METTL25: variants seen among roughly 807,000 people sequenced by gnomAD.
The protein encoded by METTL25 is methyltransferase like 25.
METTL25 carries 64 observed loss-of-function variants against 71.6 expected under a neutral mutation model. That is an observed-to-expected ratio of 0.89 (90% CI 0.73 to 1.10). The LOEUF (loss-of-function observed/expected upper bound fraction) is 1.10. Ranked by LOEUF, METTL25 falls within the 50% of genes least tolerant of loss-of-function variation. The pLI, the probability that METTL25 is intolerant of heterozygous loss-of-function variation, is 0.00. For synonymous variants in METTL25, 287 were observed against 250.3 expected (o/e 1.15, Z -1.38); for missense variants, 807 against 707.0 (o/e 1.14, Z -1.60).
At chr12:82,473,394 G>A (rs1309799576) in intron 9 of METTL25, among the ~76,000 whole-genome samples, 1 of 152,142 alleles carries the variant, frequency 6.6e-6, no homozygotes, top group Non-Finnish European at 1.5e-5. Context: ...TGTCGGCCAG[G>A]CCTCTCCAGG....
chr12:82,381,612 T>C (rs898567836), intron 1 of METTL25, among the ~76,000 whole-genome samples: 15 of 152,222 alleles, frequency 9.9e-5, no homozygotes, highest in Admixed American at 5.2e-4. Flanking sequence ...TGGTACAGTA[T>C]AGGATTATGA....
chr12:82,381,062 G>A (rs986453621), intron 1 of METTL25, among the ~76,000 whole-genome samples: 7 of 152,150 alleles, frequency 4.6e-5, no homozygotes, highest in African/African-American at 1.7e-4. Context: ...TTTGTTGTCT[G>A]CATACACTAT....
intron 1 of METTL25, among the ~76,000 whole-genome samples, chr12:82,386,429 TCCTCCCTC>T (rs201749073): frequency 2.1e-5 from 3 of 143,518 alleles, no homozygotes; most frequent in South Asian, 2.3e-4. Flanking sequence ...CTTCCTTCCT[TCCTCCCTC>T]CCTCCCTCCC....
chr12:82,476,385 A>C, intron 9 of METTL25: 1 of 334,004 alleles, frequency 3.0e-6, no homozygotes, highest in Non-Finnish European at 5.4e-6. Flanking sequence ...TTTCCTTCTT[A>C]GTTGTTGAAA....
Position 82,430,912 on chromosome 12 carries a change from G to A in METTL25, c.1299G>A (p.Trp433Ter). The change falls in exon 6 of 12, where the codon TGG (tryptophan) becomes TGA (stop). Residue 433 changes from tryptophan to a stop codon, truncating the protein, a stop_gained. Coordinates refer to ENST00000248306, the MANE Select transcript of METTL25 (RefSeq NM_032230.3). LOFTEE classifies it high-confidence loss of function. The stretch of plus-strand genomic sequence containing the variant: ...CTGCAGAACGTACTCAGGAAAAGTG[G>A]GGATTTCCAATGTGCCACTATTTAA... ...NQHKERTQEK[W>*]GFPMCHYLKE... The A allele has an allele frequency of 6.3e-7, 1 of 1,593,010 alleles. No homozygotes were observed. Among genetic ancestry groups the A allele is most frequent in the Middle Eastern group, 1.7e-4 (1 of 5,980 alleles).
intron 5 of METTL25, among the ~76,000 whole-genome samples, chr12:82,422,247 G>A (rs972934785): frequency 4.6e-5 from 7 of 152,000 alleles, no homozygotes; most frequent in Admixed American, 3.9e-4. Context: ...TTCAACATAC[G>A]CAAATCAATA....
At chr12:82,399,481 C>T in intron 4 of METTL25, 87 bp downstream of exon 4, 1 of 1,027,508 alleles carries the variant, frequency 9.7e-7, no homozygotes, top group Non-Finnish European at 1.4e-6. Flanking sequence ...ACATATCTTA[C>T]TTGATCACAT....
intron 6 of METTL25, among the ~76,000 whole-genome samples, chr12:82,431,213 A>C (rs1341546389): frequency 6.6e-6 from 1 of 151,372 alleles, no homozygotes; most frequent in East Asian, 1.9e-4. Context: ...AATAAAATAT[A>C]ATGTAAAGTG....
chr12:82,464,403 T>C (rs1814211636), intron 9 of METTL25, among the ~76,000 whole-genome samples: 1 of 151,978 alleles, frequency 6.6e-6, no homozygotes, highest in Admixed American at 6.6e-5. Flanking sequence ...GACATCTTTA[T>C]CAAAAATTAG....
At chr12:82,425,781 A>G (rs748865870) in intron 5 of METTL25, among the ~76,000 whole-genome samples, 1 of 152,106 alleles carries the variant, frequency 6.6e-6, no homozygotes, top group Non-Finnish European at 1.5e-5. Flanking sequence ...GGATGTATGT[A>G]TAAGAATTTA....
At chr12:82,436,914 A>T (rs1889961273) in intron 7 of METTL25, among the ~76,000 whole-genome samples, 1 of 151,666 alleles carries the variant, frequency 6.6e-6, no homozygotes, top group African/African-American at 2.4e-5. Flanking sequence ...ATGCAATAGT[A>T]GACTTGCGAA....
intron 1 of METTL25, among the ~76,000 whole-genome samples, chr12:82,376,819 ATAT>A (rs1383571614): frequency 6.6e-6 from 1 of 151,962 alleles, no homozygotes; most frequent in East Asian, 1.9e-4. Context: ...GCAAACTTTA[ATAT>A]TATAATTTAT....
intron 3 of METTL25, among the ~76,000 whole-genome samples, chr12:82,396,413 G>A (rs1469087034): frequency 6.6e-6 from 1 of 151,980 alleles, no homozygotes; most frequent in Non-Finnish European, 1.5e-5. Flanking sequence ...GAAACGTTTT[G>A]AGGATTTAAT....
At chr12:82,364,292 A>G (rs141391032) in intron 1 of METTL25, among the ~76,000 whole-genome samples, 160 of 152,344 alleles carry the variant, frequency 1.1e-3, no homozygotes, top group African/African-American at 3.0e-3. Flanking sequence ...TTTCATTCGC[A>G]TAGGTGGCCA....
At chr12:82,465,950 T>C (rs538873145) in intron 9 of METTL25, among the ~76,000 whole-genome samples, 1 of 151,156 alleles carries the variant, frequency 6.6e-6, no homozygotes, top group South Asian at 2.1e-4. Context: ...GTGATGTCTA[T>C]ATTTTTGTTT....
At chr12:82,437,907 T>C (rs1175754403) in intron 7 of METTL25, among the ~76,000 whole-genome samples, 1 of 151,772 alleles carries the variant, frequency 6.6e-6, no homozygotes, top group East Asian at 1.9e-4. Context: ...TGGATGTTCC[T>C]ATACTATCAA....
At chr12:82,450,478 T>C (rs1401211364) in intron 8 of METTL25, among the ~76,000 whole-genome samples, 1 of 152,164 alleles carries the variant, frequency 6.6e-6, no homozygotes, top group Admixed American at 6.6e-5. Flanking sequence ...CAGATTATTT[T>C]AATAATTTCC....
At chr12:82,432,474 A>C (rs2137154708) in intron 6 of METTL25, among the ~76,000 whole-genome samples, 1 of 151,804 alleles carries the variant, frequency 6.6e-6, no homozygotes. Context: ...AAGAAAAAGC[A>C]ACTGGGAAGA....
At chr12:82,464,267 C>G (rs1892089260) in intron 9 of METTL25, among the ~76,000 whole-genome samples, 1 of 151,814 alleles carries the variant, frequency 6.6e-6, no homozygotes, top group South Asian at 2.1e-4. Flanking sequence ...GTCTTGGATC[C>G]ATTTTGAGTT....
Sources: allele counts gnomAD v4.1 joint callset (sites outside exome capture counted in the v4.1 genomes callset), GRCh38; gene constraint gnomAD v4.1.1; transcripts MANE v1.5; gene names NCBI Gene and HGNC (gene_info 2026-07-23, HGNC 2026-07-21).